The following SENP6 variants were observed in gnomAD, a reference collection of about 807,000 sequenced individuals.
SENP6 encodes SUMO specific peptidase 6.
SENP6 carries 41 observed loss-of-function variants against 134.5 expected under a neutral mutation model. The observed-to-expected ratio is 0.30, with a 90% CI of 0.24 to 0.40. SENP6 has a LOEUF of 0.40. Among genes scored for constraint, SENP6 ranks in the 10% least tolerant of loss-of-function variants. The probability of loss-of-function intolerance (pLI) is 1.00; values close to 1 mark genes in which losing one functional copy is unlikely to be tolerated. For missense variants in SENP6, 1,248 were observed against 1,312.5 expected, an observed-to-expected ratio of 0.95 and a Z score of 0.76; for synonymous variants, 395 against 429.8, an observed-to-expected ratio of 0.92 and a Z score of 1.00.
At chr6:75,680,958 C>T (rs1044804220) in intron 16 of SENP6, among the ~76,000 whole-genome samples, 1 of 152,190 alleles carries the variant, frequency 6.6e-6, no homozygotes, top group African/African-American at 2.4e-5. Flanking sequence ...AACCATAGTA[C>T]TCAAAATGTC....
Position 75,677,119 on chromosome 6 carries a change from G to C in SENP6, c.1711G>C (p.Gly571Arg). Reference protein sequence around the residue: ...MVFESIINEIGIKNNISNFFA... With the variant: ...MVFESIINEIRIKNNISNFFA... Reference sequence around the variant, plus strand: ...ATTTGAAAGTATCATTAATGAAATTGGTATAAAGAATAACATCTCCAATTT... The same window carrying C: ...ATTTGAAAGTATCATTAATGAAATTCGTATAAAGAATAACATCTCCAATTT... The change falls in exon 14 of 24, where the codon GGT (glycine) becomes CGT (arginine). Residue 571 changes from glycine (G) to arginine (R), a missense_variant. Gly to Arg is a moderately radical substitution (Grantham distance 125, BLOSUM62 -2). Coordinates refer to ENST00000447266, the MANE Select transcript of SENP6 (RefSeq NM_015571.4). 1 of 1,609,244 alleles carries C rather than the reference G, an allele frequency of 6.2e-7. No homozygotes were observed. Among genetic ancestry groups the C allele is most frequent in the Non-Finnish European group, 8.5e-7 (1 of 1,176,536 alleles).
chr6:75,647,701 A>C (rs1425042518), intron 6 of SENP6, 30 bp from the exon 7 acceptor site: 1 of 1,459,088 alleles, frequency 6.9e-7, no homozygotes, highest in Non-Finnish European at 9.6e-7. Flanking sequence ...ATTTCCTGTT[A>C]GAATAAAACT....
intron 7 of SENP6, among the ~76,000 whole-genome samples, chr6:75,649,172 G>C (rs138896864): frequency 0.02 from 2,990 of 151,926 alleles, 109 homozygotes; most frequent in African/African-American, 0.068. Context: ...AAAATTAGCT[G>C]GGCATGATGG....
chr6:75,633,531 T>C, intron 3 of SENP6, 50 bp from the exon 4 acceptor site: 1 of 1,471,574 alleles, frequency 6.8e-7, no homozygotes, highest in Non-Finnish European at 9.2e-7. Flanking sequence ...TGTTGATAGA[T>C]TGTCACATTA....
chr6:75,669,703 G>C (rs1772520466), intron 10 of SENP6, among the ~76,000 whole-genome samples: 1 of 152,074 alleles, frequency 6.6e-6, no homozygotes, highest in Non-Finnish European at 1.5e-5. Context: ...AATATATAAG[G>C]AAGGGTTATT....
At chr6:75,619,188 A>T (rs890297350) in intron 1 of SENP6, among the ~76,000 whole-genome samples, 1 of 152,286 alleles carries the variant, frequency 6.6e-6, no homozygotes, top group African/African-American at 2.4e-5. Flanking sequence ...CTTTTAAATC[A>T]TCATAAACAA....
chr6:75,701,103 A>G (rs1247907090), intron 18 of SENP6, among the ~76,000 whole-genome samples: 1 of 152,216 alleles, frequency 6.6e-6, no homozygotes, highest in Non-Finnish European at 1.5e-5. Flanking sequence ...GTACTCTAAT[A>G]TTCTACAAAA....
At chr6:75,711,684 A>G (rs1055878268) in intron 21 of SENP6, among the ~76,000 whole-genome samples, 3 of 151,988 alleles carry the variant, frequency 2.0e-5, no homozygotes, top group African/African-American at 7.2e-5. Context: ...TTATGTGTAT[A>G]TTTTTTGAGA....
chr6:75,673,892 G>T (rs557932412), intron 11 of SENP6, among the ~76,000 whole-genome samples: 1 of 151,678 alleles, frequency 6.6e-6, no homozygotes, highest in Non-Finnish European at 1.5e-5. Context: ...GTGGTGGCGT[G>T]CACCCGTAAC....
At chr6:75,695,258 A>G (rs1182924128) in intron 16 of SENP6, among the ~76,000 whole-genome samples, 1 of 152,198 alleles carries the variant, frequency 6.6e-6, no homozygotes, top group African/African-American at 2.4e-5. Context: ...AATTTCAGCT[A>G]ACTGCATAGA....
chr6:75,627,907 C>G (rs1467575896), intron 3 of SENP6, among the ~76,000 whole-genome samples: 1 of 151,926 alleles, frequency 6.6e-6, no homozygotes, highest in Admixed American at 6.6e-5. Flanking sequence ...ACTCTGACCT[C>G]GTGATCTGCC....
At chr6:75,698,250 G>C (rs1201694962) in intron 18 of SENP6, among the ~76,000 whole-genome samples, 1 of 152,176 alleles carries the variant, frequency 6.6e-6, no homozygotes, top group East Asian at 1.9e-4. Flanking sequence ...AGTGATATGG[G>C]GGAGGGTCTA....
At chr6:75,674,891 A>G (rs528793889) in intron 11 of SENP6, among the ~76,000 whole-genome samples, 1 of 152,172 alleles carries the variant, frequency 6.6e-6, no homozygotes, top group Non-Finnish European at 1.5e-5. Flanking sequence ...CCATATATCT[A>G]TTCATCCCTG....
At chr6:75,703,979 A>G (rs1014952114) in intron 19 of SENP6, among the ~76,000 whole-genome samples, 4 of 152,184 alleles carry the variant, frequency 2.6e-5, no homozygotes, top group Non-Finnish European at 5.9e-5. Flanking sequence ...TCTTAGATGT[A>G]TAAGACAAAT....
chr6:75,639,361 ATAT>A (rs1190002653), intron 5 of SENP6, among the ~76,000 whole-genome samples: 1 of 152,072 alleles, frequency 6.6e-6, no homozygotes, highest in African/African-American at 2.4e-5. Context: ...TACATTTATA[ATAT>A]TCTTTTCCTT....
intron 7 of SENP6, among the ~76,000 whole-genome samples, chr6:75,654,494 A>G (rs762283861): frequency 5.3e-5 from 8 of 152,240 alleles, no homozygotes; most frequent in Non-Finnish European, 8.8e-5. Flanking sequence ...TGCCAAAAGT[A>G]TAGTATTTAG....
intron 13 of SENP6, chr6:75,676,562 T>A (rs971492248): frequency 1.9e-5 from 3 of 156,402 alleles, no homozygotes; most frequent in African/African-American, 7.2e-5. Context: ...CAGCAGTAAT[T>A]GCTGCTTCAG....
At chr6:75,714,006 T>G (rs1775899947) in intron 23 of SENP6, among the ~76,000 whole-genome samples, 181 bp downstream of exon 23, 1 of 152,174 alleles carries the variant, frequency 6.6e-6, no homozygotes, top group South Asian at 2.1e-4. Flanking sequence ...AATAGTATAT[T>G]TACAGTTCAT....
intron 16 of SENP6, among the ~76,000 whole-genome samples, chr6:75,684,382 G>C (rs970497619): frequency 8.6e-5 from 13 of 151,994 alleles, no homozygotes; most frequent in African/African-American, 1.9e-4. Context: ...AATTGAATAC[G>C]CTTTATTTCT....
Sources: gnomAD v4.1 joint callset for allele counts (sites outside exome capture counted in the v4.1 genomes callset) on GRCh38, gnomAD v4.1.1 for gene constraint, MANE v1.5 for transcripts, NCBI Gene and HGNC (gene_info 2026-07-23, HGNC 2026-07-21) for gene names.